Variants in DCC observed in about 807,000 individuals in gnomAD.
DCC encodes netrin receptor DCC.
A neutral mutation model predicts 172.5 loss-of-function variants in DCC; 58 were observed. The observed-to-expected ratio is 0.34, with a 90% CI of 0.27 to 0.42. The LOEUF (loss-of-function observed/expected upper bound fraction) is 0.42, where lower values mean the gene tolerates loss of function less well. Ranked by LOEUF, DCC falls within the 10% of genes least tolerant of loss-of-function variation. The pLI is 1.00. For missense variants in DCC, 1,740 were observed against 1,791.0 expected (o/e 0.97, Z 0.51); for synonymous variants, 709 against 644.5 (o/e 1.10, Z -1.52).
intron 1 of DCC, among the ~76,000 whole-genome samples, chr18:52,475,078 A>G (rs765015450): frequency 1.2e-4 from 18 of 152,172 alleles, no homozygotes; most frequent in Non-Finnish European, 2.1e-4. Context: ...CTACCCCCAC[A>G]TTGACAAGTG....
chr18:52,639,187 T>C (rs2144896224), intron 1 of DCC, among the ~76,000 whole-genome samples: 1 of 152,160 alleles, frequency 6.6e-6, no homozygotes, highest in Admixed American at 6.5e-5. Context: ...TCCATAGCCC[T>C]AAATACCTAC....
intron 1 of DCC, among the ~76,000 whole-genome samples, chr18:52,537,664 A>C (rs2032325447): frequency 6.6e-6 from 1 of 152,180 alleles, no homozygotes; most frequent in Admixed American, 6.5e-5. Context: ...GAAAACAATG[A>C]CGACGAATGA....
At chr18:52,358,003 G>A (rs1333106927) in intron 1 of DCC, among the ~76,000 whole-genome samples, 2 of 151,482 alleles carry the variant, frequency 1.3e-5, no homozygotes, top group African/African-American at 4.8e-5. Context: ...ATCATCAGCA[G>A]TGATAAGTCA....
intron 15 of DCC, among the ~76,000 whole-genome samples, chr18:53,377,134 G>C (rs1478855966): frequency 6.6e-6 from 1 of 152,120 alleles, no homozygotes; most frequent in African/African-American, 2.4e-5. Flanking sequence ...AGGATACAAG[G>C]CTGAGCTTTA....
At chr18:53,128,870 C>CACACACATATAT (rs1300738812) in intron 7 of DCC, among the ~76,000 whole-genome samples, 30 of 77,454 alleles carry the variant, frequency 3.9e-4, no homozygotes, top group African/African-American at 1.2e-3. Flanking sequence ...CACACACACA[C>CACACACATATAT]ATATATATAT....
At chr18:53,004,512 G>A (rs1283381644) in intron 5 of DCC, among the ~76,000 whole-genome samples, 1 of 152,140 alleles carries the variant, frequency 6.6e-6, no homozygotes, top group Non-Finnish European at 1.5e-5. Context: ...TGTCTTTTGT[G>A]TGTGATTATG....
At chr18:53,241,927 A>G (rs1224170720) in intron 12 of DCC, among the ~76,000 whole-genome samples, 2 of 152,196 alleles carry the variant, frequency 1.3e-5, no homozygotes, top group East Asian at 3.9e-4. Context: ...ATAGTATTCA[A>G]TCAGGCAAAG....
chr18:53,427,961 TAATATAATATATA>T (rs1911119235), intron 21 of DCC, among the ~76,000 whole-genome samples: 1 of 45,842 alleles, frequency 2.2e-5, no homozygotes, highest in African/African-American at 5.7e-5. Context: ...TATAATATAA[TAATATAATATATA>T]ATATAATATA....
intron 1 of DCC, among the ~76,000 whole-genome samples, chr18:52,499,341 G>C (rs916049874): frequency 6.6e-6 from 1 of 152,076 alleles, no homozygotes; most frequent in African/African-American, 2.4e-5. Context: ...TCTAAAATGG[G>C]GGAAATGTGG....
chr18:52,683,075 A>G (rs2035775054), intron 1 of DCC, among the ~76,000 whole-genome samples: 1 of 152,112 alleles, frequency 6.6e-6, no homozygotes, highest in Non-Finnish European at 1.5e-5. Flanking sequence ...AATGGATTTC[A>G]TCACTGAAAC....
chr18:52,454,574 C>T (rs1318117878), intron 1 of DCC, among the ~76,000 whole-genome samples: 1 of 151,950 alleles, frequency 6.6e-6, no homozygotes, highest in African/African-American at 2.4e-5. Flanking sequence ...CTAAACAGTT[C>T]ATCAGCTTAC....
intron 1 of DCC, among the ~76,000 whole-genome samples, chr18:52,520,246 T>TGTCAAGACATTTCCTATGAATG (rs1244871266): frequency 1.3e-5 from 2 of 152,178 alleles, no homozygotes; most frequent in Non-Finnish European, 2.9e-5. Context: ...ACTTCTGAAT[T>TGTCAAGACATTTCCTATGAATG]GTCAAGACAT....
intron 5 of DCC, among the ~76,000 whole-genome samples, chr18:52,950,841 C>T (rs1291497430): frequency 4.3e-5 from 6 of 141,062 alleles, no homozygotes; most frequent in African/African-American, 1.3e-4. Context: ...AAGAGAATGG[C>T]GTGAACCCGG....
At chr18:52,376,242 T>C (rs1170326923) in intron 1 of DCC, among the ~76,000 whole-genome samples, 1 of 152,174 alleles carries the variant, frequency 6.6e-6, no homozygotes, top group East Asian at 1.9e-4. Flanking sequence ...CTCTGTACAA[T>C]GGCATGTCAT....
intron 8 of DCC, among the ~76,000 whole-genome samples, chr18:53,171,687 CT>C (rs2055015937): frequency 6.6e-6 from 1 of 151,936 alleles, no homozygotes; most frequent in Non-Finnish European, 1.5e-5. Flanking sequence ...TCTTGCGTCC[CT>C]TTCCTTTAAA....
At chr18:52,903,038 T>A (rs2145441579) in intron 2 of DCC, among the ~76,000 whole-genome samples, 1 of 152,292 alleles carries the variant, frequency 6.6e-6, no homozygotes, top group East Asian at 1.9e-4. Context: ...ATCCCAGCCT[T>A]TGTATCGAAT....
intron 25 of DCC, among the ~76,000 whole-genome samples, chr18:53,475,226 A>G (rs1206895806): frequency 6.6e-6 from 1 of 152,242 alleles, no homozygotes; most frequent in Non-Finnish European, 1.5e-5. Flanking sequence ...TGACAATACA[A>G]TAGAAAAGAA....
At position 53,322,094 on chromosome 18, in the gene DCC, G is replaced by A; in HGVS notation, c.2101G>A (p.Val701Ile). The part of the protein sequence containing the change: ...QYSFQVSAMT[V>I]NGTGPPSNWY... Reference sequence around the variant, plus strand: ...CAGTTTCCAGGTGTCAGCCATGACAGTCAATGGTACTGGACCACCTTCCAA... The same window carrying A: ...CAGTTTCCAGGTGTCAGCCATGACAATCAATGGTACTGGACCACCTTCCAA... The change falls in exon 14 of 29, where the codon GTC (valine) becomes ATC (isoleucine). Residue 701 changes from valine to isoleucine, a missense_variant. Val to Ile is a conservative substitution (Grantham distance 29). This residue lies in a region of DCC where 1,732 missense variants were observed against 1,767.4 expected (regional missense o/e 0.98). Transcript: ENST00000442544. 1 of 1,610,632 alleles carries A rather than the reference G, an allele frequency of 6.2e-7. No individual in the cohort carries two copies. Among genetic ancestry groups the A allele is most frequent in the Non-Finnish European group, 8.5e-7 (1 of 1,176,790 alleles).
At chr18:53,046,949 A>G (rs930559328) in intron 5 of DCC, among the ~76,000 whole-genome samples, 1 of 151,494 alleles carries the variant, frequency 6.6e-6, no homozygotes, top group African/African-American at 2.4e-5. Flanking sequence ...GGCTTTTCCC[A>G]GGTCTTCCTG....
Sources: gnomAD v4.1 joint callset for allele counts (sites outside exome capture counted in the v4.1 genomes callset) on GRCh38, gnomAD v4.1.1 for gene constraint, gnomAD v4.1.1 regional missense constraint, MANE v1.5 for transcripts, NCBI Gene and HGNC (gene_info 2026-07-23, HGNC 2026-07-21) for gene names.